Variants in TTC39C observed in about 807,000 individuals in gnomAD.
TTC39C encodes tetratricopeptide repeat protein 39C.
TTC39C carries 33 observed loss-of-function variants against 76.3 expected under a neutral mutation model. That is an observed-to-expected ratio of 0.43 (90% confidence interval 0.33 to 0.58). The LOEUF (loss-of-function observed/expected upper bound fraction) is 0.58, where lower values mean the gene tolerates loss of function less well. TTC39C is among the 20% of genes least tolerant of loss of function. The probability of loss-of-function intolerance (pLI) is 0.04; values close to 1 mark genes in which losing one functional copy is unlikely to be tolerated. For synonymous variants in TTC39C, 254 were observed against 260.6 expected (o/e 0.97, Z 0.24); for missense variants, 595 against 701.4 (o/e 0.85, Z 1.71).
intron 1 of TTC39C, among the ~76,000 whole-genome samples, chr18:24,047,493 A>C (rs560200088): frequency 6.6e-6 from 1 of 152,256 alleles, no homozygotes; most frequent in South Asian, 2.1e-4. Context: ...ATTTAATAGC[A>C]CTTCTTCTCA....
At chr18:24,089,054 C>T (rs2145772836) in intron 6 of TTC39C, among the ~76,000 whole-genome samples, 1 of 152,272 alleles carries the variant, frequency 6.6e-6, no homozygotes, top group Non-Finnish European at 1.5e-5. Flanking sequence ...TTCTTCAGCC[C>T]ATCAGTTCAT....
intron 6 of TTC39C, among the ~76,000 whole-genome samples, chr18:24,095,648 G>A (rs1332692458): frequency 3.3e-5 from 5 of 152,148 alleles, no homozygotes; most frequent in Non-Finnish European, 7.3e-5. Context: ...GCAGTGAGCC[G>A]AGATTGCATC....
chr18:24,055,726 A>C (rs1407359405), intron 1 of TTC39C, among the ~76,000 whole-genome samples: 2 of 152,224 alleles, frequency 1.3e-5, no homozygotes. Flanking sequence ...TGTGAGGCAC[A>C]GAAGTTTTAA....
intron 1 of TTC39C, among the ~76,000 whole-genome samples, chr18:23,997,715 A>AAAGAAAGAAAGG (rs1568398854): frequency 8.6e-5 from 13 of 150,728 alleles, no homozygotes; most frequent in African/African-American, 2.7e-4. Flanking sequence ...AGAAAGAAAG[A>AAAGAAAGAAAGG]AAGAAAGAAA....
chr18:24,085,846 C>T (rs904784452), intron 6 of TTC39C, among the ~76,000 whole-genome samples: 7 of 152,138 alleles, frequency 4.6e-5, no homozygotes, highest in African/African-American at 1.7e-4. Context: ...TTGGCTCTTC[C>T]CAAAGGCCCA....
intron 6 of TTC39C, among the ~76,000 whole-genome samples, chr18:24,096,533 A>G (rs1416459708): frequency 6.6e-6 from 1 of 152,180 alleles, no homozygotes; most frequent in Non-Finnish European, 1.5e-5. Context: ...TTGTAAACGG[A>G]TGTTTAAAAA....
At chr18:24,041,760 CAAAT>C (rs1359957664) in intron 1 of TTC39C, among the ~76,000 whole-genome samples, 3 of 152,110 alleles carry the variant, frequency 2.0e-5, no homozygotes, top group Admixed American at 6.5e-5. Flanking sequence ...ATATTATAAA[CAAAT>C]ATAGATGTCC....
intron 1 of TTC39C, among the ~76,000 whole-genome samples, chr18:24,039,484 G>A (rs56122913): frequency 0.032 from 4,819 of 152,290 alleles, 112 homozygotes; most frequent in East Asian, 0.098. Flanking sequence ...GGAGCCATTG[G>A]CAGGTTTTTG....
At chr18:24,118,939 A>G (rs1013351063) in intron 8 of TTC39C, among the ~76,000 whole-genome samples, 1 of 152,160 alleles carries the variant, frequency 6.6e-6, no homozygotes. Context: ...TATAGGCATG[A>G]GCCTCAGAGC....
intron 1 of TTC39C, chr18:24,000,386 T>C (rs1050330164): frequency 3.3e-5 from 5 of 152,268 alleles, no homozygotes; most frequent in Admixed American, 2.0e-4. Context: ...GATGGCTACC[T>C]ACCAGCCAAG....
intron 1 of TTC39C, chr18:24,019,844 C>T: frequency 3.9e-6 from 6 of 1,524,570 alleles, no homozygotes; most frequent in Non-Finnish European, 5.2e-6. Flanking sequence ...AATATCTACT[C>T]TCTGGCCTTT....
Position 24,132,365 on chromosome 18 carries a change from C to A in TTC39C, c.1663-120C>A, listed in dbSNP as rs117913413. The A allele has an allele frequency of 1.2e-3, 903 of 723,846 alleles. 1 individual carries two copies. Among genetic ancestry groups the A allele is most frequent in the Non-Finnish European group, 1.8e-3 (823 of 458,650 alleles). The allele number at this position is 723,846 out of a possible 1,614,324, so 44.8% of individuals were successfully genotyped here. On this transcript the variant is annotated intron_variant, in intron 13 of 13. Coordinates refer to ENST00000317571, the MANE Select transcript of TTC39C (RefSeq NM_001135993.2). ...TATGAAAATCAAGTGGATGGGAAACCTTTACTGGGAGTGTAGAGATTTTAC... is the reference window on the plus strand; with the variant it reads ...TATGAAAATCAAGTGGATGGGAAACATTTACTGGGAGTGTAGAGATTTTAC...
At chr18:24,069,918 T>C (rs2084216907) in intron 4 of TTC39C, among the ~76,000 whole-genome samples, 1 of 152,216 alleles carries the variant, frequency 6.6e-6, no homozygotes, top group Non-Finnish European at 1.5e-5. Flanking sequence ...GTCTCTGATA[T>C]TGACAGCAGA....
At chr18:24,037,302 G>C (rs1357225860) in intron 1 of TTC39C, among the ~76,000 whole-genome samples, 1 of 152,160 alleles carries the variant, frequency 6.6e-6, no homozygotes, top group African/African-American at 2.4e-5. Context: ...AGTGAGTACT[G>C]CCTGTATTCC....
Position 24,118,198 on chromosome 18 carries a change from G to T in TTC39C, c.1152G>T (p.Arg384Ser), listed in dbSNP as rs763516543. 6.2e-7 allele frequency: 1 copy of T among 1,613,930 alleles called. No individual in the cohort carries two copies. The highest frequency in any genetic ancestry group is 2.2e-5 in the East Asian group (1 of 44,852). ...TTGAGAGGCTAAAAAATGAGTCCAG[G>T]TGGTCCCAGTGCTATTATGCCTACT... is the stretch of plus-strand genomic sequence containing the variant. ...DSFERLKNES[R>S]WSQCYYAYLT... The change falls in exon 8 of 14, where the codon AGG (arginine) becomes AGT (serine). Residue 384 changes from arginine (R) to serine (S), a missense_variant. Arg to Ser is a moderately radical substitution (Grantham distance 110). Coordinates refer to ENST00000317571, the MANE Select transcript of TTC39C (RefSeq NM_001135993.2).
intron 1 of TTC39C, among the ~76,000 whole-genome samples, chr18:24,049,726 C>A (rs1293916165): frequency 6.6e-6 from 1 of 152,056 alleles, no homozygotes; most frequent in Non-Finnish European, 1.5e-5. Context: ...GTGGCCCAGG[C>A]GGGAACCCTC....
In TTC39C at chr18:24,114,557, C is replaced by G. The variant is rs147825390; in HGVS notation, c.988C>G (p.Gln330Glu). ...TCTGTTTTCCTTTTCTCCTTAGTGT[C>G]AAATCAACAGTGCCTTGACATCTTT... The part of the protein sequence containing the change: ...FKGRIQRLEC[Q>E]INSALTSFHT... The change falls in exon 7 of 14, where the codon CAA becomes GAA. Residue 330 changes from glutamine (Q) to glutamate (E), a missense_variant. Transcript: ENST00000317571. 4.4e-5 allele frequency: 71 copies of G among 1,613,382 alleles called. No individual in the cohort carries two copies. The highest frequency in any genetic ancestry group is 1.3e-4 in the Admixed American group (8 of 60,004).
chr18:24,003,285 C>T (rs1478227177), intron 1 of TTC39C, among the ~76,000 whole-genome samples: 3 of 152,162 alleles, frequency 2.0e-5, no homozygotes, highest in African/African-American at 4.8e-5. Flanking sequence ...TCCATGAACC[C>T]CCAGCTGGAC....
At chr18:24,023,587 G>T (rs73402249) in intron 1 of TTC39C, among the ~76,000 whole-genome samples, 1,697 of 152,248 alleles carry the variant, frequency 0.011, 31 homozygotes, top group South Asian at 0.052. Context: ...TCTCCCATCT[G>T]ATCCCTTGCA....
Sources: gnomAD v4.1 joint callset for allele counts (sites outside exome capture counted in the v4.1 genomes callset) on GRCh38, gnomAD v4.1.1 for gene constraint, MANE v1.5 for transcripts, NCBI Gene and HGNC (gene_info 2026-07-23, HGNC 2026-07-21) for gene names.